The following CDH26 variants were observed in gnomAD, a reference collection of about 807,000 sequenced individuals.
CDH26 encodes the protein cadherin 26, also known as cadherin-like protein 26.
In CDH26, 83 loss-of-function variants were observed where a neutral mutation model predicts 90.3. That is an observed-to-expected ratio of 0.92 (90% CI 0.77 to 1.10). The LOEUF is 1.10. Ranked by LOEUF, CDH26 falls within the 50% of genes least tolerant of loss-of-function variation. The pLI, the probability that CDH26 is intolerant of heterozygous loss-of-function variation, is 0.00. For missense variants in CDH26, 1,013 were observed against 1,037.6 expected (o/e 0.98, Z 0.33); for synonymous variants, 397 against 396.3 (o/e 1.00, Z -0.02).
At chr20:60,033,486 A>T (rs1399356241) in exon 9 of CDH26, 1 of 1,303,058 alleles carries the variant, frequency 7.7e-7, no homozygotes, top group South Asian at 1.2e-5. Context: ...CATTTTGCAG[A>T]TGAGGAGAAC....
At chr20:59,976,586 A>G (rs763123580) in intron 4 of CDH26, among the ~76,000 whole-genome samples, 1 of 152,226 alleles carries the variant, frequency 6.6e-6, no homozygotes, top group Admixed American at 6.5e-5. Context: ...ACAGTCATAC[A>G]TTATGGAGGA....
At chr20:60,005,795 C>T (rs1033939747) in intron 16 of CDH26, among the ~76,000 whole-genome samples, 4 of 152,270 alleles carry the variant, frequency 2.6e-5, no homozygotes, top group African/African-American at 9.6e-5. Flanking sequence ...TAAGACAGAC[C>T]TATGTCTTTA....
chr20:60,001,551 G>T, intron 15 of CDH26, 140 bp downstream of exon 15: 2 of 1,416,034 alleles, frequency 1.4e-6, no homozygotes, highest in Non-Finnish European at 1.8e-6. Flanking sequence ...TGAGAAGCTG[G>T]GCTTTTTCCA....
At chr20:60,026,069 C>T (rs2061994651) in intron 7 of CDH26, among the ~76,000 whole-genome samples, 4 of 152,160 alleles carry the variant, frequency 2.6e-5, no homozygotes, top group Admixed American at 2.6e-4. Context: ...CCGAAAAAGG[C>T]TTCATTCTGA....
At chr20:59,982,641 C>T (rs2061408034) in intron 4 of CDH26, among the ~76,000 whole-genome samples, 1 of 152,156 alleles carries the variant, frequency 6.6e-6, no homozygotes, top group Non-Finnish European at 1.5e-5. Flanking sequence ...CATGTGTTTG[C>T]CCAGTGGAGA....
Position 60,006,719 on chromosome 20 carries a change from C to G in CDH26, c.2227C>G (p.Pro743Ala), listed in dbSNP as rs1245240632. The change falls in exon 17 of 18, where the codon CCA becomes GCA. Residue 743 changes from proline (P) to alanine (A), a missense_variant. By Grantham distance (27) the Pro-to-Ala change is conservative. Transcript: ENST00000348616. ...TCTACTGGTTTGCTTGCAGGCTTACCCAGATGCCACAATGCACAGACAACT... is the reference window on the plus strand; with the variant it reads ...TCTACTGGTTTGCTTGCAGGCTTACGCAGATGCCACAATGCACAGACAACT... The part of the protein sequence containing the change: ...VKNIHSTPAY[P>A]DATMHRQLLA... 6.2e-7 allele frequency: 1 copy of G among 1,613,610 alleles called. No homozygotes were observed. Among genetic ancestry groups the G allele is most frequent in the Non-Finnish European group, 8.5e-7 (1 of 1,179,710 alleles).
At chr20:60,006,179 G>T (rs2061747334) in intron 16 of CDH26, among the ~76,000 whole-genome samples, 1 of 152,214 alleles carries the variant, frequency 6.6e-6, no homozygotes, top group African/African-American at 2.4e-5. Flanking sequence ...TGACTCACAT[G>T]ATTTAGTGGT....
intron 7 of CDH26, among the ~76,000 whole-genome samples, chr20:60,029,344 C>T (rs35519307): frequency 0.28 from 42,577 of 150,124 alleles, 6,004 homozygotes; most frequent in East Asian, 0.45. Context: ...TAGTCAACAA[C>T]GTAGCACCTA....
At chr20:60,010,457 T>A (rs543050148) in intron 17 of CDH26, among the ~76,000 whole-genome samples, 2 of 152,226 alleles carry the variant, frequency 1.3e-5, no homozygotes, top group East Asian at 3.9e-4. Context: ...GATAGCACCC[T>A]CTAGAGGTAT....
chr20:60,001,212 C>A, intron 14 of CDH26, 131 bp from the exon 15 acceptor site: 1 of 1,100,918 alleles, frequency 9.1e-7, no homozygotes, highest in Non-Finnish European at 1.3e-6. Flanking sequence ...CCCTCCCTCT[C>A]ATCGTGTTAA....
intron 4 of CDH26, among the ~76,000 whole-genome samples, chr20:59,972,352 T>C (rs745888862): frequency 1.3e-5 from 2 of 152,232 alleles, no homozygotes; most frequent in Non-Finnish European, 2.9e-5. Context: ...CTATAGGTCT[T>C]TATTCTAATG....
intron 1 of CDH26, among the ~76,000 whole-genome samples, chr20:59,961,276 T>C (rs2061069482): frequency 6.6e-6 from 1 of 152,076 alleles, no homozygotes; most frequent in Non-Finnish European, 1.5e-5. Context: ...AGCAAATTAA[T>C]TGACTTCTGA....
At chr20:59,986,171 GA>G (rs1184166755) in intron 7 of CDH26, 1 of 152,232 alleles carries the variant, frequency 6.6e-6, no homozygotes, top group Non-Finnish European at 1.5e-5. Context: ...ATTCTAGAGG[GA>G]AGGTGAGCAG....
At chr20:60,007,376 G>T (rs560080854) in intron 17 of CDH26, among the ~76,000 whole-genome samples, 84 of 152,292 alleles carry the variant, frequency 5.5e-4, no homozygotes, top group Non-Finnish European at 1.0e-3. Flanking sequence ...GGAGGGTTTT[G>T]GGAAATAATT....
intron 7 of CDH26, among the ~76,000 whole-genome samples, chr20:60,023,673 AAC>A (rs933621460): frequency 1.3e-5 from 2 of 152,214 alleles, no homozygotes; most frequent in African/African-American, 4.8e-5. Flanking sequence ...AATGAAAGGA[AAC>A]ACAGTGTGCT....
intron 4 of CDH26, 95 bp downstream of exon 4, chr20:59,972,218 G>A: frequency 1.7e-6 from 2 of 1,168,436 alleles, no homozygotes; most frequent in African/African-American, 1.5e-5. Flanking sequence ...TATGTGCCAG[G>A]TTCCGGGAGA....
intron 9 of CDH26, among the ~76,000 whole-genome samples, chr20:59,991,985 G>A (rs950626514): frequency 2.6e-5 from 4 of 152,208 alleles, no homozygotes; most frequent in Admixed American, 6.5e-5. Context: ...GAACACACCA[G>A]GGGTAAAGTC....
intron 8 of CDH26, 122 bp downstream of exon 8, chr20:59,987,760 G>A (rs1419202339): frequency 4.0e-5 from 31 of 770,440 alleles, no homozygotes; most frequent in South Asian, 3.7e-4. Flanking sequence ...AGCCCATTAC[G>A]TACCACACGT....
At position 59,982,944 on chromosome 20, in the gene CDH26, C is replaced by T. The variant is rs141719480; in HGVS notation, c.415C>T (p.Arg139Cys). 944 of 1,613,796 alleles carry T rather than the reference C, an allele frequency of 5.8e-4. 8 individuals carry two copies. The African/African-American group carries it at 0.011, about 19-fold the overall frequency. Residue 139 changes from arginine (R) to cysteine (C), a missense_variant, in exon 5 of 18, where the codon CGC becomes TGC. By Grantham distance (180) the Arg-to-Cys change is radical. Transcript: ENST00000348616. Reference sequence around the variant, plus strand: ...CTAGGTTTATTTTGATGTTGTGGAGCGCTCAACAGGAAAAATTGTGGATAC... The same window carrying T: ...CTAGGTTTATTTTGATGTTGTGGAGTGCTCAACAGGAAAAATTGTGGATAC... ...SFTVYFDVVE[R>C]STGKIVDTSL...
Sources: allele counts gnomAD v4.1 joint callset (sites outside exome capture counted in the v4.1 genomes callset), GRCh38; gene constraint gnomAD v4.1.1; transcripts MANE v1.5; gene names NCBI Gene and HGNC (gene_info 2026-07-23, HGNC 2026-07-21).